Variants in GALNTL6 observed in about 807,000 individuals in gnomAD.
GALNTL6 encodes polypeptide N-acetylgalactosaminyltransferase like 6.
Under a neutral mutation model 73.7 loss-of-function variants are expected in GALNTL6, and 46 were observed. That is an observed-to-expected ratio of 0.62 (90% CI 0.49 to 0.80). The LOEUF is 0.80. Among genes scored for constraint, GALNTL6 ranks in the 30% least tolerant of loss-of-function variants. GALNTL6 has a pLI of 0.00. For missense variants in GALNTL6, 604 were observed against 755.0 expected (o/e 0.80, Z 2.34); for synonymous variants, 259 against 263.7 (o/e 0.98, Z 0.17).
At chr4:172,098,892 A>C (rs1409127760) in intron 2 of GALNTL6, among the ~76,000 whole-genome samples, 1 of 152,032 alleles carries the variant, frequency 6.6e-6, no homozygotes. Context: ...AAATTATCGG[A>C]CCCTAAAGGG....
intron 2 of GALNTL6, among the ~76,000 whole-genome samples, chr4:172,147,611 C>T (rs1457311566): frequency 6.6e-6 from 1 of 152,034 alleles, no homozygotes; most frequent in Non-Finnish European, 1.5e-5. Flanking sequence ...TTTGTGGTTT[C>T]TAGAAAAGTT....
At chr4:172,168,037 A>C (rs534285027) in intron 2 of GALNTL6, among the ~76,000 whole-genome samples, 1 of 152,004 alleles carries the variant, frequency 6.6e-6, no homozygotes, top group Non-Finnish European at 1.5e-5. Context: ...GTGCTTTTTA[A>C]GTAAATACCT....
At chr4:172,822,871 T>A (rs1179054757) in intron 7 of GALNTL6, among the ~76,000 whole-genome samples, 4 of 152,204 alleles carry the variant, frequency 2.6e-5, no homozygotes, top group Non-Finnish European at 5.9e-5. Context: ...GTCTGTCTAA[T>A]GTGTGAGGGT....
chr4:172,576,035 C>T (rs1176458496), intron 5 of GALNTL6, among the ~76,000 whole-genome samples: 1 of 152,134 alleles, frequency 6.6e-6, no homozygotes, highest in Non-Finnish European at 1.5e-5. Context: ...ATCATTTCAT[C>T]AGGGAAGGGG....
intron 9 of GALNTL6, 119 bp from the exon 10 acceptor site, chr4:172,951,918 C>G: frequency 2.8e-6 from 2 of 712,152 alleles, no homozygotes; most frequent in Non-Finnish European, 4.7e-6. Context: ...AACCACCAAC[C>G]AGGGCTGCCT....
At chr4:172,128,502 T>G (rs1050685212) in intron 2 of GALNTL6, among the ~76,000 whole-genome samples, 6 of 152,218 alleles carry the variant, frequency 3.9e-5, no homozygotes, top group African/African-American at 1.4e-4. Flanking sequence ...CTGAATTATA[T>G]TTCTGATAAT....
chr4:171,870,548 T>C (rs538412492), intron 2 of GALNTL6, among the ~76,000 whole-genome samples: 5 of 141,744 alleles, frequency 3.5e-5, no homozygotes, highest in African/African-American at 1.4e-4. Context: ...CTGTTAAGTG[T>C]ATTTTTTTTT....
intron 5 of GALNTL6, among the ~76,000 whole-genome samples, chr4:172,572,738 C>T (rs959049783): frequency 1.6e-4 from 24 of 152,162 alleles, no homozygotes; most frequent in Non-Finnish European, 2.9e-4. Context: ...CCGAATGTTC[C>T]ATCTGAAAAA....
At chr4:171,966,745 TC>T (rs1410420987) in intron 2 of GALNTL6, among the ~76,000 whole-genome samples, 1 of 152,174 alleles carries the variant, frequency 6.6e-6, no homozygotes, top group Non-Finnish European at 1.5e-5. Context: ...TGAACCCTGA[TC>T]CCAATTCTTG....
At chr4:173,034,747 C>T (rs1004309664) in intron 12 of GALNTL6, among the ~76,000 whole-genome samples, 4 of 152,096 alleles carry the variant, frequency 2.6e-5, no homozygotes, top group Admixed American at 2.6e-4. Context: ...TCCTTCTGAC[C>T]GCCTTGATTT....
At chr4:172,383,221 A>T (rs566285653) in intron 5 of GALNTL6, among the ~76,000 whole-genome samples, 25 of 151,272 alleles carry the variant, frequency 1.7e-4, no homozygotes, top group African/African-American at 5.8e-4. Flanking sequence ...CAAATTGGAG[A>T]GTATTGCCAT....
rs77369791 is a variant in GALNTL6, at chr4:172,029,189, T to A, written c.139-200467T>A. ...AATCTATATAAGGGAATCTATTTTT[T>A]GAACTGTAAACTTCATTAAATGTCA... is the stretch of plus-strand genomic sequence containing the variant. On this transcript the variant is annotated intron_variant, in intron 2 of 12. Transcript: ENST00000506823. Among the ~76,000 whole-genome samples the A allele has an allele frequency of 9.5e-3, 1,441 of 152,160 alleles. 16 individuals carry two copies. The highest frequency in any genetic ancestry group is 0.017 in the Non-Finnish European group (1,140 of 67,908).
intron 2 of GALNTL6, among the ~76,000 whole-genome samples, chr4:171,844,783 G>A (rs1735328000): frequency 6.6e-6 from 1 of 152,126 alleles, no homozygotes; most frequent in African/African-American, 2.4e-5. Context: ...TAAATTAATG[G>A]CACCAGGAGG....
Position 172,229,726 on chromosome 4 carries a change from A to G in GALNTL6, c.209A>G (p.His70Arg), listed in dbSNP as rs1194437506. 2.5e-6 allele frequency: 4 copies of G among 1,613,702 alleles called. No homozygotes were observed. The highest frequency in any genetic ancestry group is 3.4e-6 in the Non-Finnish European group (4 of 1,179,762). ...WTDGLRRKDW[H>R]DYESIQKEAM... ...GATGGTTTGAGAAGAAAGGACTGGCATGACTATGAAAGCATTCAGAAAGAG... is the reference window on the plus strand; with the variant it reads ...GATGGTTTGAGAAGAAAGGACTGGCGTGACTATGAAAGCATTCAGAAAGAG... The change falls in exon 3 of 13, where the codon CAT becomes CGT. Residue 70 changes from histidine to arginine, a missense_variant. His to Arg is a conservative substitution (Grantham distance 29). This residue lies in a region of GALNTL6 where 141 missense variants were observed against 156.6 expected (regional missense o/e 0.90). Transcript: ENST00000506823.
At chr4:172,366,487 A>T (rs963054920) in intron 5 of GALNTL6, among the ~76,000 whole-genome samples, 3 of 152,138 alleles carry the variant, frequency 2.0e-5, no homozygotes, top group South Asian at 2.1e-4. Flanking sequence ...TGTCACCTTC[A>T]TATGTTGCCT....
At chr4:172,849,466 A>C (rs1005780587) in intron 7 of GALNTL6, among the ~76,000 whole-genome samples, 2 of 152,196 alleles carry the variant, frequency 1.3e-5, no homozygotes, top group African/African-American at 4.8e-5. Context: ...AGTTCTTAGA[A>C]TAGGCTCTCA....
chr4:172,192,813 GA>G (rs904795504), intron 2 of GALNTL6, among the ~76,000 whole-genome samples: 3 of 152,268 alleles, frequency 2.0e-5, no homozygotes, highest in African/African-American at 7.2e-5. Flanking sequence ...AAGTTGGGGG[GA>G]AGGGGTGCCT....
intron 5 of GALNTL6, among the ~76,000 whole-genome samples, chr4:172,800,180 A>C (rs1246524780): frequency 6.6e-6 from 1 of 152,124 alleles, no homozygotes; most frequent in Non-Finnish European, 1.5e-5. Flanking sequence ...ATGGAGGGTA[A>C]TTGCACAACA....
At chr4:172,940,496 G>T (rs900822912) in intron 9 of GALNTL6, among the ~76,000 whole-genome samples, 4 of 151,850 alleles carry the variant, frequency 2.6e-5, no homozygotes, top group Non-Finnish European at 5.9e-5. Flanking sequence ...CCAAGTAGCT[G>T]GGACTACAGG....
Sources: allele counts gnomAD v4.1 joint callset (sites outside exome capture counted in the v4.1 genomes callset), GRCh38; gene constraint gnomAD v4.1.1; regional missense constraint gnomAD v4.1.1; transcripts MANE v1.5; gene names NCBI Gene and HGNC (gene_info 2026-07-23, HGNC 2026-07-21).